The following PPP6R2 variants were observed in gnomAD, a reference collection of about 807,000 sequenced individuals.
PPP6R2 encodes protein phosphatase 6 regulatory subunit 2, also known as serine/threonine-protein phosphatase 6 regulatory subunit 2.
A neutral mutation model predicts 100.2 loss-of-function variants in PPP6R2; 62 were observed. That is an observed-to-expected ratio of 0.62 (90% CI 0.50 to 0.76). The LOEUF is 0.76. PPP6R2 is among the 30% of genes least tolerant of loss of function. The probability of loss-of-function intolerance (pLI) is 0.00; values close to 1 mark genes in which losing one functional copy is unlikely to be tolerated. For missense variants in PPP6R2, 1,142 were observed against 1,276.3 expected, an observed-to-expected ratio of 0.89 and a Z score of 1.60; for synonymous variants, 525 against 514.7, an observed-to-expected ratio of 1.02 and a Z score of -0.27.
intron 13 of PPP6R2, among the ~76,000 whole-genome samples, chr22:50,435,431 G>T (rs1437423600): frequency 2.0e-5 from 3 of 152,236 alleles, no homozygotes; most frequent in Non-Finnish European, 4.4e-5. Context: ...TGGCTAGGCT[G>T]TCCTGGCTGT....
At chr22:50,396,304 G>C (rs1421862063) in intron 3 of PPP6R2, among the ~76,000 whole-genome samples, 1 of 151,578 alleles carries the variant, frequency 6.6e-6, no homozygotes, top group Non-Finnish European at 1.5e-5. Context: ...AGACCAGCCT[G>C]ACCAACATGG....
chr22:50,338,964 A>T (rs566984019), upstream of PPP6R2, among the ~76,000 whole-genome samples: 54 of 72,034 alleles, frequency 7.5e-4, no homozygotes, highest in Non-Finnish European at 8.3e-4. Flanking sequence ...GTGGGTGTGT[A>T]GGGTGTGTGG....
chr22:50,403,464 A>C (rs2058366664), intron 3 of PPP6R2, among the ~76,000 whole-genome samples: 1 of 152,102 alleles, frequency 6.6e-6, no homozygotes, highest in South Asian at 2.1e-4. Flanking sequence ...TGTGTTGTCC[A>C]CTTGCTGGCC....
At position 50,383,779 on chromosome 22, in the gene PPP6R2, G is replaced by A. The variant is rs142814212; in HGVS notation, c.-16-10114G>A. Reference sequence around the variant, plus strand: ...AGGCCAGGCGCAGTGGCTCATGACTGTAATTGCAGCACTTTGGGAGGCTGA... The same window carrying A: ...AGGCCAGGCGCAGTGGCTCATGACTATAATTGCAGCACTTTGGGAGGCTGA... On this transcript the variant is annotated intron_variant, in intron 2 of 23. Transcript: ENST00000612753. Among the ~76,000 whole-genome samples the A allele has an allele frequency of 2.6e-5, 4 of 152,290 alleles. No individual in the cohort carries two copies. In the South Asian group the frequency reaches 6.2e-4, roughly 24 times the overall value.
chr22:50,335,551 C>T, the PPP6R2 span, among the ~76,000 whole-genome samples: 3 of 151,134 alleles, frequency 2.0e-5, no homozygotes, highest in South Asian at 4.2e-4. Flanking sequence ...CTCACTCTGT[C>T]GCCAGGCTGG....
intron 1 of PPP6R2, among the ~76,000 whole-genome samples, chr22:50,360,209 C>T (rs192907993): frequency 7.9e-5 from 12 of 152,132 alleles, no homozygotes; most frequent in African/African-American, 7.2e-5. Context: ...CGTGCCACCA[C>T]GCCTGGCTGA....
chr22:50,437,584 G>C lies in PPP6R2; in HGVS notation c.1762G>C (p.Asp588His), dbSNP rs150868881. The change falls in exon 16 of 24, where the codon GAC becomes CAC. Residue 588 changes from aspartate (D) to histidine (H), a missense_variant. Physicochemically the swap from Asp to His is moderately conservative, Grantham distance 81. Transcript: ENST00000612753. ...QFGFNDEEFA[D>H]QDDNINAPFD... ...TGGCTTCAATGATGAGGAGTTTGCC[G>C]ACCAGGACGACAACATCAAGTGAGT... 6 of 1,608,500 alleles carry C rather than the reference G, an allele frequency of 3.7e-6. No homozygotes were observed. The highest frequency in any genetic ancestry group is 1.7e-5 in the Admixed American group (1 of 59,574).
intron 2 of PPP6R2, chr22:50,389,171 A>T (rs763691863): frequency 6.6e-6 from 1 of 152,182 alleles, no homozygotes; most frequent in Non-Finnish European, 1.5e-5. Flanking sequence ...ACCACTGAGG[A>T]TGGGAGTCAG....
intron 4 of PPP6R2, among the ~76,000 whole-genome samples, chr22:50,409,871 C>T (rs975711405): frequency 2.0e-5 from 3 of 151,864 alleles, no homozygotes; most frequent in Admixed American, 6.6e-5. Context: ...GGATTACAGG[C>T]GCCTGCCACC....
At chr22:50,418,752 A>C (rs1227778472) in intron 6 of PPP6R2, 115 bp from the exon 7 acceptor site, 4 of 791,214 alleles carry the variant, frequency 5.1e-6, no homozygotes, top group South Asian at 1.6e-5. Flanking sequence ...AACAACAACG[A>C]AAGTCTAGCA....
At chr22:50,417,162 A>G (rs1395797360) in intron 6 of PPP6R2, among the ~76,000 whole-genome samples, 2 of 152,150 alleles carry the variant, frequency 1.3e-5, no homozygotes, top group African/African-American at 4.8e-5. Context: ...CCACTGGGGT[A>G]GAGGCCAGCT....
intron 2 of PPP6R2, chr22:50,388,916 G>A (rs764777631): frequency 6.6e-6 from 1 of 151,986 alleles, no homozygotes; most frequent in African/African-American, 2.4e-5. Context: ...GGCCAGACAG[G>A]TAATAGGGCA....
At chr22:50,352,107 T>G (rs1316438601) in intron 1 of PPP6R2, among the ~76,000 whole-genome samples, 1 of 151,748 alleles carries the variant, frequency 6.6e-6, no homozygotes, top group Non-Finnish European at 1.5e-5. Context: ...ACCCAGCTAA[T>G]TTTTGTATTT....
intron 1 of PPP6R2, among the ~76,000 whole-genome samples, chr22:50,364,081 G>A (rs1351685382): frequency 6.6e-6 from 1 of 151,920 alleles, no homozygotes; most frequent in East Asian, 1.9e-4. Context: ...ATTTTTAGTA[G>A]AGACGGGGTT....
At position 50,444,281 on chromosome 22, in the gene PPP6R2, C is replaced by T. The variant is rs2148522294; in HGVS notation, c.*34C>T. 1 of 1,604,846 alleles carries T rather than the reference C, an allele frequency of 6.2e-7. No homozygotes were observed. Among genetic ancestry groups the T allele is most frequent in the Admixed American group, 1.7e-5 (1 of 57,748 alleles). ...CCGCCCGGCCACGGCCCACCCTGGT[C>T]AGGCTGCCTCCTTAATCGAGAAAAC... On this transcript the variant is annotated 3_prime_UTR_variant, in exon 24 of 24. Transcript: ENST00000612753.
At position 50,418,983 on chromosome 22, in the gene PPP6R2, A is replaced by AGTGCTGGTGGGCCGTG; in HGVS notation, c.731+18_731+33dup. 2 of 1,609,630 alleles carry AGTGCTGGTGGGCCGTG rather than the reference A, an allele frequency of 1.2e-6. No individual in the cohort carries two copies. The highest frequency in any genetic ancestry group is 1.1e-5 in the South Asian group (1 of 90,958). ...CGCTCCTCACAGCGCTGGAGTCGTG[A>AGTGCTGGTGGGCCGTG]GTGCTGGTGGGCCGTGGTGCTGGTG... is the stretch of plus-strand genomic sequence containing the variant. On this transcript the variant is annotated splice_donor_region_variant and intron_variant, in intron 7 of 23. Coordinates refer to ENST00000612753, the MANE Select transcript of PPP6R2 (RefSeq NM_001242898.2).
chr22:50,380,892 G>A (rs2052746851), intron 2 of PPP6R2, among the ~76,000 whole-genome samples: 1 of 151,100 alleles, frequency 6.6e-6, no homozygotes, highest in Non-Finnish European at 1.5e-5. Context: ...GGGAGGCTGA[G>A]GCAGGAGAAT....
chr22:50,332,972 A>G, the PPP6R2 span, among the ~76,000 whole-genome samples: 1 of 152,044 alleles, frequency 6.6e-6, no homozygotes, highest in Admixed American at 6.6e-5. Flanking sequence ...CCATTTGTTG[A>G]AAATATATTG....
At chr22:50,430,582 G>A (rs1284707322) in intron 10 of PPP6R2, among the ~76,000 whole-genome samples, 4 of 152,196 alleles carry the variant, frequency 2.6e-5, no homozygotes, top group Non-Finnish European at 4.4e-5. Context: ...TCCAACTGAA[G>A]GACAAAAGAA....
Sources: allele counts gnomAD v4.1 joint callset (sites outside exome capture counted in the v4.1 genomes callset), GRCh38; gene constraint gnomAD v4.1.1; transcripts MANE v1.5; gene names NCBI Gene and HGNC (gene_info 2026-07-23, HGNC 2026-07-21).